CEP192: variants seen among roughly 807,000 people sequenced by gnomAD.
CEP192 encodes centrosomal protein 192, also known as centrosomal protein of 192 kDa.
CEP192 carries 151 observed loss-of-function variants against 271.8 expected under a neutral mutation model. That is an observed-to-expected ratio of 0.56 (90% CI 0.49 to 0.64). The LOEUF is 0.64. Among genes scored for constraint, CEP192 ranks in the 30% least tolerant of loss-of-function variants. The probability of loss-of-function intolerance (pLI) is 0.00; values close to 1 mark genes in which losing one functional copy is unlikely to be tolerated. For synonymous variants in CEP192, 995 were observed against 1,076.5 expected (o/e 0.92, Z 1.48); for missense variants, 2,910 against 3,020.5 (o/e 0.96, Z 0.86).
chr18:13,095,398 T>A (rs773704341), intron 34 of CEP192, 105 bp from the exon 35 acceptor site: 88 of 863,868 alleles, frequency 1.0e-4, no homozygotes, highest in Non-Finnish European at 1.3e-4. Context: ...TTTTTAGATT[T>A]ATGAAGAATA....
intron 21 of CEP192, among the ~76,000 whole-genome samples, chr18:13,062,183 C>G (rs538574704): frequency 2.5e-4 from 38 of 152,236 alleles, no homozygotes; most frequent in African/African-American, 8.9e-4. Flanking sequence ...GTTTGGGAAC[C>G]ACTGGTGTAG....
intron 30 of CEP192, among the ~76,000 whole-genome samples, chr18:13,076,196 A>G (rs1328524001): frequency 6.6e-6 from 1 of 152,162 alleles, no homozygotes; most frequent in African/African-American, 2.4e-5. Context: ...CTGTGGATTT[A>G]CGGTGTTAGA....
intron 13 of CEP192, among the ~76,000 whole-genome samples, chr18:13,039,705 A>AC (rs2036103256): frequency 1.3e-5 from 2 of 152,130 alleles, no homozygotes; most frequent in South Asian, 4.1e-4. Flanking sequence ...TCTCAGATGA[A>AC]CTGGGAGGAA....
chr18:13,073,257 AAATTATACAGTC>A (rs2038109293), intron 30 of CEP192, 72 bp downstream of exon 30: 5 of 1,296,560 alleles, frequency 3.9e-6, no homozygotes, highest in Non-Finnish European at 5.3e-6. Context: ...TTAATGTTGT[AAATTATACAGTC>A]TGCCTTTTAT....
At chr18:13,035,723 C>T (rs531414669) in intron 11 of CEP192, among the ~76,000 whole-genome samples, 1 of 152,118 alleles carries the variant, frequency 6.6e-6, no homozygotes, top group Non-Finnish European at 1.5e-5. Context: ...TTTAACTTAG[C>T]TTGAGTCATA....
At position 12,999,828 on chromosome 18, in the gene CEP192, ATT is replaced by A. The variant is rs36207281; in HGVS notation, c.164+257_164+258del. ...GAGCACCAGTTACCTATTTCGGTCTATTTTTTTTTTTTTTTTTTGTCTATAGT... is the reference window on the plus strand; with the variant it reads ...GAGCACCAGTTACCTATTTCGGTCTATTTTTTTTTTTTTTTTGTCTATAGT... On this transcript the variant is annotated intron_variant, in intron 2 of 44. Transcript: ENST00000506447. Among the ~76,000 whole-genome samples the A allele has an allele frequency of 2.8e-4, 35 of 124,026 alleles. 1 individual carries two copies. The highest frequency in any genetic ancestry group is 6.9e-4 in the East Asian group (3 of 4,360). The allele number at this position is 124,026 out of a possible 152,430, so 81.4% of individuals were successfully genotyped here.
chr18:13,054,392 G>C (rs1366053922), intron 18 of CEP192, among the ~76,000 whole-genome samples: 1 of 152,230 alleles, frequency 6.6e-6, no homozygotes, highest in Non-Finnish European at 1.5e-5. Context: ...TGTGACTGCT[G>C]TGGGGATGCT....
intron 40 of CEP192, among the ~76,000 whole-genome samples, chr18:13,105,485 T>C (rs1442702962): frequency 6.6e-6 from 1 of 152,236 alleles, no homozygotes; most frequent in Non-Finnish European, 1.5e-5. Context: ...TTAATTCATT[T>C]CTATACCTGA....
chr18:13,109,627 A>T lies in CEP192; in HGVS notation c.7048-3959A>T, dbSNP rs758861358. Reference sequence around the variant, plus strand: ...TACATCTATTTTAAAAAGAAAAAAAATTGAAATTAATGAGCTAAGCAGTCA... The same window carrying T: ...TACATCTATTTTAAAAAGAAAAAAATTTGAAATTAATGAGCTAAGCAGTCA... On this transcript the variant is annotated intron_variant, in intron 40 of 44. Coordinates refer to ENST00000506447, the MANE Select transcript of CEP192 (RefSeq NM_032142.4). Among the ~76,000 whole-genome samples the T allele has an allele frequency of 3.3e-5, 5 of 152,186 alleles. No homozygotes were observed. In the East Asian group the frequency reaches 9.6e-4, roughly 29 times the overall value.
intron 30 of CEP192, among the ~76,000 whole-genome samples, chr18:13,081,807 T>C (rs1460690393): frequency 2.0e-5 from 3 of 152,200 alleles, no homozygotes; most frequent in African/African-American, 7.2e-5. Context: ...ACGTTGTGTC[T>C]TTGTTCTCAT....
intron 1 of CEP192, among the ~76,000 whole-genome samples, chr18:12,993,239 T>C (rs987574146): frequency 8.5e-5 from 13 of 152,184 alleles, no homozygotes; most frequent in African/African-American, 2.9e-4. Flanking sequence ...GGGTGAAGAC[T>C]AAAGATAACG....
chr18:13,039,289 AC>A (rs2036075467), intron 13 of CEP192, among the ~76,000 whole-genome samples: 1 of 151,982 alleles, frequency 6.6e-6, no homozygotes, highest in Non-Finnish European at 1.5e-5. Context: ...CCCTGTCTCT[AC>A]CAAAACTATA....
intron 27 of CEP192, 102 bp downstream of exon 27, chr18:13,069,958 C>T (rs541593441): frequency 3.0e-5 from 20 of 658,982 alleles, no homozygotes; most frequent in South Asian, 2.1e-4. Context: ...GTCAGGAGTT[C>T]GAGACCAGCT....
intron 15 of CEP192, among the ~76,000 whole-genome samples, chr18:13,044,553 G>A (rs752685579): frequency 2.6e-4 from 39 of 152,132 alleles, no homozygotes; most frequent in Non-Finnish European, 4.3e-4. Flanking sequence ...TGCTTCTCTA[G>A]ATCTGTTAAG....
chr18:13,060,911 G>A (rs191702572), intron 21 of CEP192, among the ~76,000 whole-genome samples: 1,505 of 139,426 alleles, frequency 0.011, 22 homozygotes, highest in African/African-American at 0.04. Context: ...GCAACAGAGC[G>A]AGACCCAGTC....
At chr18:13,119,972 C>T (rs543670570) in intron 44 of CEP192, among the ~76,000 whole-genome samples, 1 of 152,300 alleles carries the variant, frequency 6.6e-6, no homozygotes, top group South Asian at 2.1e-4. Context: ...TCAAAACTTT[C>T]CTGCAGTTAA....
At chr18:13,021,136 C>G (rs982014753) in intron 9 of CEP192, among the ~76,000 whole-genome samples, 3 of 152,032 alleles carry the variant, frequency 2.0e-5, no homozygotes, top group Non-Finnish European at 4.4e-5. Flanking sequence ...AAATTGTTGT[C>G]AAATTCAATG....
At chr18:13,051,745 G>A (rs1009610320) in intron 17 of CEP192, among the ~76,000 whole-genome samples, 22 of 152,158 alleles carry the variant, frequency 1.4e-4, no homozygotes, top group Admixed American at 1.0e-3. Flanking sequence ...GGATTTCACC[G>A]TGTTAAACGG....
rs780656707 is a variant in CEP192, at chr18:13,113,623, A to G, written c.7085A>G (p.Tyr2362Cys). Residue 2362 changes from tyrosine (Y) to cysteine (C), a missense_variant, in exon 41 of 45, where the codon TAT (tyrosine) becomes TGT (cysteine). Transcript: ENST00000506447. ...TTTTTGCCCAGAGGTAGGGGGGATT[A>G]TGCCCAGTTTTGGGATGTTGAATGT... ...ITFLPRGRGD[Y>C]AQFWDVECHP... 4.3e-6 allele frequency: 7 copies of G among 1,613,284 alleles called. No homozygotes were observed. The Admixed American group carries it at 8.3e-5, about 19-fold the overall frequency.
Sources: allele counts gnomAD v4.1 joint callset (sites outside exome capture counted in the v4.1 genomes callset), GRCh38; gene constraint gnomAD v4.1.1; transcripts MANE v1.5; gene names NCBI Gene and HGNC (gene_info 2026-07-23, HGNC 2026-07-21).